Variants in GPC5 observed in about 807,000 individuals in gnomAD.
GPC5 encodes the protein glypican-5.
In GPC5, 47 loss-of-function variants were observed where a neutral mutation model predicts 53.9. The observed-to-expected ratio is 0.87, with a 90% CI of 0.69 to 1.11. GPC5 has a LOEUF of 1.11. GPC5 is among the 50% of genes most tolerant of loss of function. The pLI is 0.00. For missense variants in GPC5, 748 were observed against 713.1 expected (o/e 1.05, Z -0.56); for synonymous variants, 286 against 263.3 (o/e 1.09, Z -0.84).
intron 7 of GPC5, among the ~76,000 whole-genome samples, chr13:92,744,223 T>C (rs1376707906): frequency 7.1e-6 from 1 of 141,554 alleles, no homozygotes; most frequent in Non-Finnish European, 1.6e-5. Flanking sequence ...CATTTAGCCT[T>C]CTGGTTTGGA....
In GPC5 at chr13:92,669,315, A is replaced by G. The variant is rs1237677038; in HGVS notation, c.1562-196967A>G. 2.0e-5 allele frequency among the ~76,000 whole-genome samples: 3 copies of G among 152,076 alleles called. No individual in the cohort carries two copies. The East Asian group carries it at 5.8e-4, about 29-fold the overall frequency. On this transcript the variant is annotated intron_variant, in intron 7 of 7. Coordinates refer to ENST00000377067, the MANE Select transcript of GPC5 (RefSeq NM_004466.6). ...TTCACCATGACTATGCATCTCATTT[A>G]CATTTTATTTCCTGGTCTTTCCTCC... is the stretch of plus-strand genomic sequence containing the variant.
At chr13:92,139,823 T>C (rs1366875986) in intron 6 of GPC5, among the ~76,000 whole-genome samples, 1 of 152,148 alleles carries the variant, frequency 6.6e-6, no homozygotes, top group Non-Finnish European at 1.5e-5. Flanking sequence ...GAGAAAACAC[T>C]ATTCCATTAG....
intron 7 of GPC5, among the ~76,000 whole-genome samples, chr13:92,211,962 A>C (rs559039078): frequency 3.3e-5 from 5 of 152,168 alleles, no homozygotes; most frequent in African/African-American, 4.8e-5. Flanking sequence ...TTCACCTCAA[A>C]TTAACAGATT....
chr13:91,896,432 C>G (rs1001567783), intron 5 of GPC5, among the ~76,000 whole-genome samples: 20 of 152,054 alleles, frequency 1.3e-4, no homozygotes, highest in African/African-American at 4.8e-4. Flanking sequence ...ATTTTAAGAC[C>G]CTTAATTTAA....
chr13:91,622,109 A>G (rs983624065), intron 2 of GPC5, among the ~76,000 whole-genome samples: 2 of 151,954 alleles, frequency 1.3e-5, no homozygotes, highest in Non-Finnish European at 2.9e-5. Context: ...TATTCTAGCC[A>G]CCCTGGCAAC....
At chr13:92,518,394 A>G (rs1010489879) in intron 7 of GPC5, among the ~76,000 whole-genome samples, 11 of 152,218 alleles carry the variant, frequency 7.2e-5, no homozygotes, top group Admixed American at 3.3e-4. Flanking sequence ...CGGGTTACCC[A>G]CAAAGGGAAC....
rs184034600 is a variant in GPC5 at position 91,836,597 on chromosome 13, A to C, written c.1281-71340A>C. 6.6e-5 allele frequency among the ~76,000 whole-genome samples: 10 copies of C among 152,198 alleles called. No homozygotes were observed. The East Asian group carries it at 9.6e-4, about 15-fold the overall frequency. On this transcript the variant is annotated intron_variant, in intron 5 of 7. Transcript: ENST00000377067. Reference sequence around the variant, plus strand: ...CTCATTAATCATGAATTTATTTCATAATATAAATGTGAATTCAATCTTAAG... The same window carrying C: ...CTCATTAATCATGAATTTATTTCATCATATAAATGTGAATTCAATCTTAAG...
chr13:91,472,033 T>G (rs1216327734), intron 2 of GPC5, among the ~76,000 whole-genome samples: 1 of 152,158 alleles, frequency 6.6e-6, no homozygotes, highest in African/African-American at 2.4e-5. Flanking sequence ...ATAATCTCTA[T>G]TATATCTATT....
At chr13:92,079,313 G>A (rs1291186039) in intron 6 of GPC5, among the ~76,000 whole-genome samples, 3 of 152,094 alleles carry the variant, frequency 2.0e-5, no homozygotes, top group Non-Finnish European at 2.9e-5. Flanking sequence ...GCCTCCCAAT[G>A]TCTTGTGATT....
At chr13:92,381,816 C>A (rs2043741567) in intron 7 of GPC5, among the ~76,000 whole-genome samples, 2 of 78,742 alleles carry the variant, frequency 2.5e-5, no homozygotes, top group South Asian at 7.0e-4. Flanking sequence ...GATATTATTT[C>A]ATATATAATC....
Position 91,693,504 on chromosome 13 carries a change from A to G in GPC5, c.643A>G (p.Met215Val). 1 of 1,614,072 alleles carries G rather than the reference A, an allele frequency of 6.2e-7. No homozygotes were observed. Among genetic ancestry groups the G allele is most frequent in the Non-Finnish European group, 8.5e-7 (1 of 1,180,012 alleles). ...TATTCCCCAAAGAGTAATGGGACAG[A>G]TGGGGAGGTCCCTGCTGCCCAGCCG... ...GNIPQRVMGQ[M>V]GRSLLPSRTF... Residue 215 changes from methionine to valine, a missense_variant, in exon 3 of 8, where the codon ATG (methionine) becomes GTG (valine). Met to Val is a conservative substitution (Grantham distance 21, BLOSUM62 1). Transcript: ENST00000377067.
chr13:92,252,773 G>C (rs1383051868), intron 7 of GPC5, among the ~76,000 whole-genome samples: 1 of 152,056 alleles, frequency 6.6e-6, no homozygotes, highest in Non-Finnish European at 1.5e-5. Context: ...AGTTGTAAAG[G>C]AACATTGCTG....
chr13:91,851,622 G>A (rs1204713575), intron 5 of GPC5, among the ~76,000 whole-genome samples: 1 of 147,994 alleles, frequency 6.8e-6, no homozygotes, highest in African/African-American at 2.5e-5. Context: ...CTAGCATTAG[G>A]TATATCTCCC....
chr13:92,488,847 A>G (rs1432647650), intron 7 of GPC5, among the ~76,000 whole-genome samples: 1 of 152,182 alleles, frequency 6.6e-6, no homozygotes, highest in Non-Finnish European at 1.5e-5. Flanking sequence ...GTTCATGTCT[A>G]TGTGTATCAA....
chr13:91,670,596 T>G (rs1488510919), intron 2 of GPC5, among the ~76,000 whole-genome samples: 1 of 152,188 alleles, frequency 6.6e-6, no homozygotes, highest in East Asian at 1.9e-4. Context: ...CTGGAAACGC[T>G]GGTGGCTGCA....
At chr13:92,582,498 A>G (rs1354102025) in intron 7 of GPC5, among the ~76,000 whole-genome samples, 1 of 152,116 alleles carries the variant, frequency 6.6e-6, no homozygotes, top group Non-Finnish European at 1.5e-5. Context: ...TTGAGATTCC[A>G]TATAAATTTT....
In GPC5 at chr13:92,578,083, G is replaced by C. The variant is rs147834708; in HGVS notation, c.1562-288199G>C. ...AAATCCTGAATGTACTTACCATAAG[G>C]TTGGCCATTGGCTCCCAATTTCACC... On this transcript the variant is annotated intron_variant, in intron 7 of 7. Coordinates refer to ENST00000377067, the MANE Select transcript of GPC5 (RefSeq NM_004466.6). Among the ~76,000 whole-genome samples, 4 of 152,250 alleles carry C rather than the reference G, an allele frequency of 2.6e-5. No homozygotes were observed. The East Asian group carries it at 7.7e-4, about 29-fold the overall frequency.
intron 7 of GPC5, among the ~76,000 whole-genome samples, chr13:92,796,351 G>C (rs185727538): frequency 6.6e-6 from 1 of 151,996 alleles, no homozygotes; most frequent in African/African-American, 2.4e-5. Flanking sequence ...ATCACACACC[G>C]GGGCCTTTCA....
chr13:91,670,659 C>A (rs1266366570), intron 2 of GPC5, among the ~76,000 whole-genome samples: 16 of 152,300 alleles, frequency 1.1e-4, no homozygotes, highest in African/African-American at 3.8e-4. Context: ...TGATCTGCTT[C>A]AGTCTATAAA....
Sources: allele counts gnomAD v4.1 joint callset (sites outside exome capture counted in the v4.1 genomes callset), GRCh38; gene constraint gnomAD v4.1.1; transcripts MANE v1.5; gene names NCBI Gene and HGNC (gene_info 2026-07-23, HGNC 2026-07-21).